The following NLRP13 variants were observed in gnomAD, a reference collection of about 807,000 sequenced individuals.
The protein encoded by NLRP13 is NACHT, LRR and PYD domains-containing protein 13.
NLRP13 carries 82 observed loss-of-function variants against 94.4 expected under a neutral mutation model. That is an observed-to-expected ratio of 0.87 (90% confidence interval 0.73 to 1.04). The LOEUF (loss-of-function observed/expected upper bound fraction) is 1.04. Among genes scored for constraint, NLRP13 ranks in the 50% least tolerant of loss-of-function variants. NLRP13 has a pLI of 0.00. For missense variants in NLRP13, 1,426 were observed against 1,230.8 expected (o/e 1.16, Z -2.37); for synonymous variants, 553 against 464.7 (o/e 1.19, Z -2.45).
In NLRP13 at chr19:55,924,772, A is replaced by T. The variant is rs1177492394; in HGVS notation, c.389-114T>A. 14 of 939,206 alleles carry T rather than the reference A, an allele frequency of 1.5e-5. 1 individual carries two copies. 58.2% of individuals were successfully genotyped at this position (939,206 alleles called of 1,614,324 possible). ...TTCTATGGCAAACGGGATTGAAGAG[A>T]CTGGAGGAATCAGTATGCCCAGTTT... On this transcript the variant is annotated intron_variant, in intron 2 of 10. Coordinates refer to ENST00000342929, the MANE Select transcript of NLRP13 (RefSeq NM_176810.2).
intron 9 of NLRP13, 50 bp downstream of exon 9, chr19:55,901,984 TC>T (rs773078312): frequency 1.9e-6 from 3 of 1,591,958 alleles, no homozygotes; most frequent in Non-Finnish European, 2.6e-6. Context: ...GTGGGTCAAT[TC>T]CCATGGCTCT....
rs761945725 is a variant in NLRP13 at position 55,912,722 on chromosome 19, G to A, written c.1095C>T (p.Thr365=). Reference sequence around the variant, plus strand: ...AGGCCTTAAGATCTCTCACAAACCAGGTCTTGATCGTGATCAGTAAGGTAG... The same window carrying A: ...AGGCCTTAAGATCTCTCACAAACCAAGTCTTGATCGTGATCAGTAAGGTAG... ...PLATLLITIK[T]WFVRDLKASL... The change falls in exon 5 of 11, where the codon ACC becomes ACT. Residue 365 remains threonine (T), a synonymous_variant. Transcript: ENST00000342929. 3 of 1,614,012 alleles carry A rather than the reference G, an allele frequency of 1.9e-6. No individual in the cohort carries two copies. Among genetic ancestry groups the A allele is most frequent in the African/African-American group, 1.3e-5 (1 of 74,912 alleles).
chr19:55,930,320 CAAGT>C (rs1257891993), intron 1 of NLRP13, among the ~76,000 whole-genome samples: 1 of 152,146 alleles, frequency 6.6e-6, no homozygotes, highest in Non-Finnish European at 1.5e-5. Flanking sequence ...CTGTAAGATA[CAAGT>C]AATAGGACCT....
intron 8 of NLRP13, 121 bp downstream of exon 8, chr19:55,904,821 A>T: frequency 1.3e-6 from 1 of 789,144 alleles, no homozygotes; most frequent in South Asian, 2.6e-5. Flanking sequence ...CCTGGCACAT[A>T]GTAATTACTC....
rs147819247 is a variant in NLRP13, at chr19:55,912,957, A to C, written c.860T>G (p.Leu287Trp). ...KETTFAELIS[L>W]DWPDFDAPIE... ...GGGGGCATCAAAATCGGGCCAATCC[A>C]AAGAAATCAATTCAGCAAAGGTAGT... The change falls in exon 5 of 11, where the codon TTG becomes TGG. Residue 287 changes from leucine (L) to tryptophan (W), a missense_variant. Physicochemically the swap from Leu to Trp is moderately conservative, Grantham distance 61. Transcript: ENST00000342929. The C allele has an allele frequency of 8.1e-4, 1,306 of 1,614,094 alleles. 1 individual carries two copies. The highest frequency in any genetic ancestry group is 1.0e-3 in the Non-Finnish European group (1,181 of 1,179,918).
chr19:55,892,378 TACACACACATAC>T (rs768680140), downstream of NLRP13, among the ~76,000 whole-genome samples: 64 of 54,028 alleles, frequency 1.2e-3, no homozygotes, highest in Admixed American at 2.0e-3. Context: ...TATATGTATA[TACACACACATAC>T]ACACACACAT....
chr19:55,893,187 T>C (rs1985903882), downstream of NLRP13, among the ~76,000 whole-genome samples: 1 of 152,088 alleles, frequency 6.6e-6, no homozygotes, highest in South Asian at 2.1e-4. Flanking sequence ...TCGGCAGTTC[T>C]AGACCAGCCT....
chr19:55,892,130 T>G (rs1985867612), downstream of NLRP13: 2 of 1,231,812 alleles, frequency 1.6e-6, no homozygotes, highest in Non-Finnish European at 2.0e-6. Flanking sequence ...GCCTGCAAAA[T>G]AAGAAGTACT....
Position 55,912,346 on chromosome 19 carries a change from GC to G in NLRP13, c.1470del (p.Leu491CysfsTer4). 11 of 1,614,100 alleles carry G rather than the reference GC, an allele frequency of 6.8e-6. No homozygotes were observed. The highest frequency in any genetic ancestry group is 8.5e-6 in the Non-Finnish European group (10 of 1,179,996). ...WRALCSLAIEGLWSMNFTFNK... is the reference protein window; with the variant it reads ...WRALCSLAIEXLWSMNFTFNK... ...TTAAACGTGAAGTTCATAGACCACA[GC>G]CCTTCTATGGCCAGACTGCAGAGGG... On this transcript the variant is annotated frameshift_variant, in exon 5 of 11. Coordinates refer to ENST00000342929, the MANE Select transcript of NLRP13 (RefSeq NM_176810.2). LOFTEE classifies it high-confidence loss of function.
In NLRP13 at chr19:55,904,948, C is replaced by T. The variant is rs371242081; in HGVS notation, c.2612G>A (p.Arg871Lys). The T allele has an allele frequency of 1.2e-6, 2 of 1,609,456 alleles. No homozygotes were observed. Among genetic ancestry groups the T allele is most frequent in the Non-Finnish European group, 1.7e-6 (2 of 1,176,746 alleles). The change falls in exon 8 of 11, where the codon AGA becomes AAA. Residue 871 changes from arginine (R) to lysine (K), a missense_variant. Physicochemically the swap from Arg to Lys is conservative, Grantham distance 26. Transcript: ENST00000342929. ...GGAAGTAGGGAAAACTTACTCCAGT[C>T]TCTCTAAGGCACACTTGGGGTGAGT... is the stretch of plus-strand genomic sequence containing the variant. ...ALTHPKCALE[R>K]LELWFCQLAA...
chr19:55,897,889 C>T (rs981687353), intron 10 of NLRP13, among the ~76,000 whole-genome samples: 13 of 152,204 alleles, frequency 8.5e-5, no homozygotes, highest in African/African-American at 3.1e-4. Context: ...GAAAACATCA[C>T]TGAGCTAATG....
At chr19:55,910,126 A>G (rs1160513728) in intron 6 of NLRP13, among the ~76,000 whole-genome samples, 1 of 152,202 alleles carries the variant, frequency 6.6e-6, no homozygotes, top group Non-Finnish European at 1.5e-5. Context: ...CAGAACTGAG[A>G]ACAGAACCTG....
intron 1 of NLRP13, among the ~76,000 whole-genome samples, chr19:55,931,581 C>T (rs960350179): frequency 2.0e-5 from 3 of 150,144 alleles, no homozygotes; most frequent in East Asian, 2.0e-4. Context: ...TGGTGGCGGG[C>T]GCCTGTAGTC....
chr19:55,911,938 C>T lies in NLRP13; in HGVS notation c.1879G>A (p.Glu627Lys). The T allele has an allele frequency of 5.0e-6, 8 of 1,614,198 alleles. No individual in the cohort carries two copies. Among genetic ancestry groups the T allele is most frequent in the Non-Finnish European group, 6.8e-6 (8 of 1,180,034 alleles). The change falls in exon 5 of 11, where the codon GAA becomes AAA. Residue 627 changes from glutamate (E) to lysine (K), a missense_variant. Glu to Lys is a moderately conservative substitution (Grantham distance 56, BLOSUM62 1). Coordinates refer to ENST00000342929, the MANE Select transcript of NLRP13 (RefSeq NM_176810.2). ...LKWGEELGKAESASLQFHILR... is the reference protein window; with the variant it reads ...LKWGEELGKAKSASLQFHILR... ...ATGTGAAATTGGAGAGAGGCACTTTCAGCCTTACCTAACTCTTCTCCCCAC... is the reference window on the plus strand; with the variant it reads ...ATGTGAAATTGGAGAGAGGCACTTTTAGCCTTACCTAACTCTTCTCCCCAC...
At position 55,898,900 on chromosome 19, in the gene NLRP13, C is replaced by T. The variant is rs1986088660; in HGVS notation, c.2827G>A (p.Glu943Lys). Residue 943 changes from glutamate to lysine, a missense_variant, in exon 10 of 11, where the codon GAG (glutamate) becomes AAG (lysine). Coordinates refer to ENST00000342929, the MANE Select transcript of NLRP13 (RefSeq NM_176810.2). The stretch of plus-strand genomic sequence containing the variant: ...TTATGGCTGAGGGCATTAGCCAGCT[C>T]TCCACAGCCCTCTCTTGTGAAAGAA... ...GCSFTREGCG[E>K]LANALSHNHN... 3.7e-6 allele frequency: 6 copies of T among 1,609,028 alleles called. No homozygotes were observed. The highest frequency in any genetic ancestry group is 3.4e-6 in the Non-Finnish European group (4 of 1,178,774).
intron 9 of NLRP13, among the ~76,000 whole-genome samples, chr19:55,900,050 T>C (rs569278944): frequency 6.6e-6 from 1 of 152,114 alleles, no homozygotes; most frequent in South Asian, 2.1e-4. Context: ...ATTTCAAATA[T>C]TGTCACCACA....
intron 4 of NLRP13, among the ~76,000 whole-genome samples, chr19:55,923,318 T>C (rs1482992169): frequency 6.6e-6 from 1 of 152,116 alleles, no homozygotes; most frequent in African/African-American, 2.4e-5. Context: ...ATGCAAACTT[T>C]CTTGGAAGGC....
chr19:55,917,953 A>T (rs1986713398), intron 4 of NLRP13, among the ~76,000 whole-genome samples: 1 of 152,048 alleles, frequency 6.6e-6, no homozygotes. Context: ...CAACTGCAGA[A>T]TATATATTCT....
At chr19:55,913,343 T>C (rs774629087) in intron 4 of NLRP13, 50 bp from the exon 5 acceptor site, 1 of 1,550,578 alleles carries the variant, frequency 6.4e-7, no homozygotes, top group Non-Finnish European at 8.7e-7. Context: ...ATTTCAGAGT[T>C]AGGAATGATT....
Sources: allele counts gnomAD v4.1 joint callset (sites outside exome capture counted in the v4.1 genomes callset), GRCh38; gene constraint gnomAD v4.1.1; transcripts MANE v1.5; gene names NCBI Gene and HGNC (gene_info 2026-07-23, HGNC 2026-07-21).